The following DNAH11 variants were observed in gnomAD, a reference collection of about 807,000 sequenced individuals.
The protein encoded by DNAH11 is axonemal beta dynein heavy chain 11.
In DNAH11, 442 loss-of-function variants were observed where a neutral mutation model predicts 526.0. That is an observed-to-expected ratio of 0.84 (90% CI 0.78 to 0.91). DNAH11 has a LOEUF of 0.91. Among genes scored for constraint, DNAH11 ranks in the 40% least tolerant of loss-of-function variants. The pLI, the probability that DNAH11 is intolerant of heterozygous loss-of-function variation, is 0.00. For missense variants in DNAH11, 6,989 were observed against 5,448.7 expected (o/e 1.28, Z -8.90); for synonymous variants, 2,461 against 1,935.9 (o/e 1.27, Z -7.12).
intron 55 of DNAH11, among the ~76,000 whole-genome samples, chr7:21,771,139 C>T (rs1787418165): frequency 6.6e-6 from 1 of 152,118 alleles, no homozygotes; most frequent in Non-Finnish European, 1.5e-5. Flanking sequence ...AAAATTGTCC[C>T]AAGTTACACT....
intron 30 of DNAH11, among the ~76,000 whole-genome samples, chr7:21,674,219 C>A (rs1434207195): frequency 2.6e-5 from 4 of 151,922 alleles, no homozygotes; most frequent in Admixed American, 1.3e-4. Context: ...TCATGCCCAG[C>A]TAATTTTTGT....
chr7:21,748,636 T>G lies in DNAH11; in HGVS notation c.8567T>G (p.Val2856Gly), dbSNP rs754822442. 1.2e-6 allele frequency: 2 copies of G among 1,612,486 alleles called. No homozygotes were observed. The highest frequency in any genetic ancestry group is 2.2e-5 in the East Asian group (1 of 44,842). ...TPQGCALLVG[V>G]GGSGKQSLSR... ...CAGGGCTGTGCTCTCTTGGTTGGAGTTGGGGGCAGTGGCAAGCAGAGCTTG... is the reference window on the plus strand; with the variant it reads ...CAGGGCTGTGCTCTCTTGGTTGGAGGTGGGGGCAGTGGCAAGCAGAGCTTG... The change falls in exon 52 of 82, where the codon GTT (valine) becomes GGT (glycine). Residue 2856 changes from valine (V) to glycine (G), a missense_variant. Transcript: ENST00000409508.
rs757887690 is a variant in DNAH11 at position 21,900,873 on chromosome 7, G to GTA, written c.13304-133_13304-132dup. The GTA allele has an allele frequency of 2.4e-4, 349 of 1,435,420 alleles. 2 individuals are homozygous for GTA. In the Middle Eastern group the frequency reaches 3.7e-3, roughly 15 times the overall value. The allele number at this position is 1,435,420 out of a possible 1,614,324, so 88.9% of individuals were successfully genotyped here. A position where few individuals can be genotyped will look rare whatever the true frequency, so the allele number is the denominator to read the frequency against. Reference sequence around the variant, plus strand: ...TTCAAAGCTCAGTCCGGCCAGCTCAGTAAAAATACCACTGACAAGCAAAAA... The same window carrying GTA: ...TTCAAAGCTCAGTCCGGCCAGCTCAGTATAAAAATACCACTGACAAGCAAAAA... On this transcript the variant is annotated intron_variant, in intron 81 of 81. Transcript: ENST00000409508.
intron 28 of DNAH11, among the ~76,000 whole-genome samples, chr7:21,641,465 A>G (rs1487502533): frequency 1.3e-5 from 2 of 152,192 alleles, no homozygotes; most frequent in Non-Finnish European, 2.9e-5. Context: ...GTCCTAACCC[A>G]TGTCCATTAC....
At chr7:21,709,616 C>A (rs1784388134) in intron 40 of DNAH11, among the ~76,000 whole-genome samples, 1 of 152,146 alleles carries the variant, frequency 6.6e-6, no homozygotes, top group South Asian at 2.1e-4. Context: ...TAAAGCAGGA[C>A]ACCCTTCATC....
intron 42 of DNAH11, 74 bp from the exon 43 acceptor site, chr7:21,717,701 G>A: frequency 6.4e-7 from 1 of 1,563,938 alleles, no homozygotes; most frequent in Non-Finnish European, 8.7e-7. Flanking sequence ...GTCAAAGGAG[G>A]AAGCTTTTGA....
chr7:21,640,537 C>T (rs546759996), intron 28 of DNAH11, among the ~76,000 whole-genome samples: 1 of 147,060 alleles, frequency 6.8e-6, no homozygotes, highest in African/African-American at 2.7e-5. Flanking sequence ...TATTTAAATA[C>T]AGTGAACACT....
At chr7:21,848,624 G>T (rs748971022) in intron 66 of DNAH11, among the ~76,000 whole-genome samples, 4 of 148,970 alleles carry the variant, frequency 2.7e-5, no homozygotes, top group Admixed American at 6.7e-5. Flanking sequence ...ACTCTCACTC[G>T]CTCTCTCTCT....
In DNAH11 at chr7:21,789,386, C is replaced by A; in HGVS notation, c.10026+44C>A. On this transcript the variant is annotated intron_variant, in intron 61 of 81. Coordinates refer to ENST00000409508, the MANE Select transcript of DNAH11 (RefSeq NM_001277115.2). ...ATTGAAAAGGTTCCCAAGAGGTGGT[C>A]GCTGCCTCCACCTTAGGATTCCACC... The A allele has an allele frequency of 3.7e-6, 5 of 1,366,444 alleles. No individual in the cohort carries two copies. In the South Asian group the frequency reaches 5.4e-5, roughly 15 times the overall value. 84.6% of individuals were successfully genotyped at this position (1,366,444 alleles called of 1,614,324 possible).
chr7:21,877,996 T>C (rs1036703409), intron 74 of DNAH11, among the ~76,000 whole-genome samples: 13 of 152,270 alleles, frequency 8.5e-5, no homozygotes, highest in African/African-American at 2.9e-4. Context: ...GATTTCTGTT[T>C]CTGTAAAATT....
chr7:21,546,192 A>G (rs1170600894), intron 2 of DNAH11, among the ~76,000 whole-genome samples: 5 of 151,018 alleles, frequency 3.3e-5, no homozygotes, highest in Non-Finnish European at 5.9e-5. Flanking sequence ...CACCTCTTCT[A>G]CTTTTTGAGT....
At chr7:21,900,170 G>C (rs542521821) in intron 81 of DNAH11, 50 bp downstream of exon 81, 11 of 1,561,274 alleles carry the variant, frequency 7.0e-6, no homozygotes, top group South Asian at 1.2e-5. Flanking sequence ...CTCAGGTTCA[G>C]ATCAGTGTTT....
chr7:21,671,924 A>G (rs1782655575), intron 30 of DNAH11, among the ~76,000 whole-genome samples: 1 of 152,304 alleles, frequency 6.6e-6, no homozygotes, highest in Non-Finnish European at 1.5e-5. Flanking sequence ...GTTGCTCAAT[A>G]TTGCACTGGT....
chr7:21,864,582 G>C lies in DNAH11; in HGVS notation c.11421G>C (p.Leu3807=). ...TAGACCCTCTTGAATTGGATTTCCT[G>C]CTTCGATTCACAGTTGAACACACTC... The part of the protein sequence containing the change: ...KEIDPLELDF[L]LRFTVEHTHL... Residue 3807 remains leucine, a synonymous_variant, in exon 70 of 82, where the codon CTG becomes CTC. Transcript: ENST00000409508. 1.9e-6 allele frequency: 3 copies of C among 1,611,900 alleles called. No homozygotes were observed. Among genetic ancestry groups the C allele is most frequent in the South Asian group, 2.2e-5 (2 of 90,704 alleles).
intron 61 of DNAH11, among the ~76,000 whole-genome samples, chr7:21,800,299 CA>C (rs1304360724): frequency 3.9e-5 from 6 of 152,138 alleles, no homozygotes; most frequent in Non-Finnish European, 7.3e-5. Flanking sequence ...ATGCTAAAGA[CA>C]ATGGATTATC....
chr7:21,810,202 G>T (rs1439188371), intron 63 of DNAH11, among the ~76,000 whole-genome samples: 1 of 152,168 alleles, frequency 6.6e-6, no homozygotes, highest in African/African-American at 2.4e-5. Flanking sequence ...AGATTTGCAC[G>T]ATGTAAAATC....
At position 21,901,051 on chromosome 7, in the gene DNAH11, C is replaced by G. The variant is rs1249660755; in HGVS notation, c.13348C>G (p.Leu4450Val). 1 of 1,613,358 alleles carries G rather than the reference C, an allele frequency of 6.2e-7. No homozygotes were observed. Among genetic ancestry groups the G allele is most frequent in the African/African-American group, 1.3e-5 (1 of 75,026 alleles). The change falls in exon 82 of 82, where the codon CTC (leucine) becomes GTC (valine). Residue 4450 changes from leucine (L) to valine (V), a missense_variant. Coordinates refer to ENST00000409508, the MANE Select transcript of DNAH11 (RefSeq NM_001277115.2). Reference sequence around the variant, plus strand: ...AGCAGGAACCATTGTTGAAGCCCGTCTCAAGGAGCTGGCATGCCCTATGCC... The same window carrying G: ...AGCAGGAACCATTGTTGAAGCCCGTGTCAAGGAGCTGGCATGCCCTATGCC... ...TQAGTIVEAR[L>V]KELACPMPVI...
chr7:21,720,265 A>C (rs1229168699), intron 43 of DNAH11, among the ~76,000 whole-genome samples: 1 of 152,210 alleles, frequency 6.6e-6, no homozygotes, highest in Admixed American at 6.5e-5. Flanking sequence ...ATAGTAAAAT[A>C]AATGCCTCTT....
chr7:21,753,396 A>G (rs1786495274), intron 54 of DNAH11, among the ~76,000 whole-genome samples: 1 of 152,136 alleles, frequency 6.6e-6, no homozygotes, highest in African/African-American at 2.4e-5. Context: ...TTATGAGTAC[A>G]ATTTGAAATG....
Sources: allele counts gnomAD v4.1 joint callset (sites outside exome capture counted in the v4.1 genomes callset), GRCh38; gene constraint gnomAD v4.1.1; transcripts MANE v1.5; gene names NCBI Gene and HGNC (gene_info 2026-07-23, HGNC 2026-07-21).